Variants in CDK6 observed in about 807,000 individuals in gnomAD.
CDK6 encodes cyclin-dependent kinase 6.
Under a neutral mutation model 37.1 loss-of-function variants are expected in CDK6, and 6 were observed. The observed-to-expected ratio is 0.16, with a 90% CI of 0.09 to 0.32. The LOEUF (loss-of-function observed/expected upper bound fraction) is 0.32. CDK6 is among the 10% of genes least tolerant of loss of function. CDK6 has a pLI of 1.00. For synonymous variants in CDK6, 160 were observed against 161.3 expected (o/e 0.99, Z 0.06); for missense variants, 224 against 418.9 (o/e 0.53, Z 4.06).
At chr7:92,721,313 A>C (rs1199062169) in intron 4 of CDK6, among the ~76,000 whole-genome samples, 1 of 152,168 alleles carries the variant, frequency 6.6e-6, no homozygotes, top group Admixed American at 6.5e-5. Flanking sequence ...AGGGAATTGC[A>C]ATGTCCTGTG....
At chr7:92,739,929 T>C (rs1247455549) in intron 3 of CDK6, among the ~76,000 whole-genome samples, 4 of 152,148 alleles carry the variant, frequency 2.6e-5, no homozygotes, top group African/African-American at 9.7e-5. Flanking sequence ...TAATGTTTTA[T>C]TTTTATTTTT....
intron 2 of CDK6, among the ~76,000 whole-genome samples, chr7:92,801,446 A>C (rs1248507211): frequency 6.6e-6 from 1 of 152,106 alleles, no homozygotes; most frequent in Non-Finnish European, 1.5e-5. Flanking sequence ...TAGAATTTTA[A>C]AGCTAGAGGT....
chr7:92,814,555 C>CAAAAA (rs201939605), intron 2 of CDK6, among the ~76,000 whole-genome samples: 3 of 70,022 alleles, frequency 4.3e-5, no homozygotes, highest in South Asian at 4.6e-4. Flanking sequence ...AACTGAATTG[C>CAAAAA]AAAAAAAAAA....
intron 6 of CDK6, among the ~76,000 whole-genome samples, chr7:92,620,473 C>G (rs1008397686): frequency 6.6e-6 from 1 of 152,112 alleles, no homozygotes; most frequent in African/African-American, 2.4e-5. Context: ...TCTCTCTATT[C>G]CAATATTTTA....
chr7:92,646,855 T>C (rs750719300), intron 5 of CDK6, among the ~76,000 whole-genome samples: 10 of 152,196 alleles, frequency 6.6e-5, no homozygotes, highest in Non-Finnish European at 1.3e-4. Flanking sequence ...CTAGGACCAG[T>C]ATTGACTTAA....
At chr7:92,698,681 C>T (rs750230047) in intron 4 of CDK6, among the ~76,000 whole-genome samples, 7 of 152,276 alleles carry the variant, frequency 4.6e-5, no homozygotes, top group South Asian at 4.1e-4. Flanking sequence ...GTAATTCAGA[C>T]GAGCATGCTT....
At chr7:92,809,848 G>C (rs189995322) in intron 2 of CDK6, among the ~76,000 whole-genome samples, 59 of 152,332 alleles carry the variant, frequency 3.9e-4, no homozygotes, top group African/African-American at 1.3e-3. Flanking sequence ...TCATTAGCCA[G>C]AGTGTGGCTG....
chr7:92,732,280 G>A (rs1056095455), intron 3 of CDK6, among the ~76,000 whole-genome samples: 1 of 152,132 alleles, frequency 6.6e-6, no homozygotes, highest in Non-Finnish European at 1.5e-5. Context: ...AGTTGGGCAT[G>A]GTGGCTCATG....
chr7:92,749,995 G>T (rs537317778), intron 3 of CDK6, among the ~76,000 whole-genome samples: 1 of 152,294 alleles, frequency 6.6e-6, no homozygotes, highest in Admixed American at 6.5e-5. Context: ...TTCTAGTGAA[G>T]AGAGCATTAC....
chr7:92,731,591 G>A (rs900277196), intron 3 of CDK6, among the ~76,000 whole-genome samples: 2 of 152,148 alleles, frequency 1.3e-5, no homozygotes, highest in African/African-American at 4.8e-5. Flanking sequence ...AATTTTTACT[G>A]CTTCTAGGCA....
intron 4 of CDK6, among the ~76,000 whole-genome samples, chr7:92,711,445 A>C (rs1314583943): frequency 1.3e-5 from 2 of 152,114 alleles, no homozygotes; most frequent in Non-Finnish European, 2.9e-5. Context: ...AAGTAGCAAA[A>C]AATATAAAAG....
At chr7:92,628,549 T>C (rs976083789) in intron 5 of CDK6, among the ~76,000 whole-genome samples, 12 of 152,260 alleles carry the variant, frequency 7.9e-5, no homozygotes, top group Admixed American at 3.3e-4. Flanking sequence ...TGCTCCCCCC[T>C]GCAAGAAGGC....
chr7:92,739,039 G>A (rs17696150), intron 3 of CDK6, among the ~76,000 whole-genome samples: 1,994 of 152,296 alleles, frequency 0.013, 25 homozygotes, highest in South Asian at 0.028. Context: ...CAAGTCTGAA[G>A]TGGTTGCACA....
chr7:92,666,820 A>C (rs1796966132), intron 5 of CDK6, among the ~76,000 whole-genome samples: 1 of 152,182 alleles, frequency 6.6e-6, no homozygotes, highest in Non-Finnish European at 1.5e-5. Context: ...CTAATACAAG[A>C]CTCTGTTGCT....
intron 5 of CDK6, among the ~76,000 whole-genome samples, chr7:92,629,367 T>C (rs995340649): frequency 1.3e-5 from 2 of 152,086 alleles, no homozygotes; most frequent in African/African-American, 4.8e-5. Flanking sequence ...AGAGGGCTCA[T>C]ATTTACTGGA....
chr7:92,718,406 C>T (rs938048197), intron 4 of CDK6, among the ~76,000 whole-genome samples: 19 of 152,274 alleles, frequency 1.2e-4, no homozygotes, highest in Non-Finnish European at 2.5e-4. Context: ...GGGAGCTACT[C>T]GGCTGCCCAA....
At chr7:92,725,403 A>G (rs1798487675) in intron 4 of CDK6, 1 of 833,778 alleles carries the variant, frequency 1.2e-6, no homozygotes, top group Admixed American at 6.2e-5. Context: ...GCAACAGGCT[A>G]TTTCTGCAAT....
intron 5 of CDK6, among the ~76,000 whole-genome samples, chr7:92,644,438 A>C (rs1368089110): frequency 6.6e-6 from 1 of 152,198 alleles, no homozygotes; most frequent in African/African-American, 2.4e-5. Flanking sequence ...TACTCTCTTC[A>C]TGGAGCAATT....
intron 5 of CDK6, among the ~76,000 whole-genome samples, chr7:92,636,013 G>A (rs879796068): frequency 1.7e-4 from 26 of 151,972 alleles, no homozygotes; most frequent in Non-Finnish European, 3.1e-4. Flanking sequence ...CAATCTATCC[G>A]TAGCACATTT....
Sources: allele counts gnomAD v4.1 joint callset (sites outside exome capture counted in the v4.1 genomes callset), GRCh38; gene constraint gnomAD v4.1.1; transcripts MANE v1.5; gene names NCBI Gene and HGNC (gene_info 2026-07-23, HGNC 2026-07-21).